The following HECW2 variants were observed in gnomAD, a reference collection of about 807,000 sequenced individuals.
HECW2 encodes HECT, C2 and WW domain containing E3 ubiquitin protein ligase 2.
In HECW2, 61 loss-of-function variants were observed where a neutral mutation model predicts 175.2. The observed-to-expected ratio is 0.35, with a 90% CI of 0.28 to 0.43. The LOEUF (loss-of-function observed/expected upper bound fraction) is 0.43. HECW2 is among the 20% of genes least tolerant of loss of function. The pLI is 1.00. For synonymous variants in HECW2, 671 were observed against 731.0 expected, an observed-to-expected ratio of 0.92 and a Z score of 1.32; for missense variants, 1,524 against 2,000.5, an observed-to-expected ratio of 0.76 and a Z score of 4.54.
chr2:196,530,875 T>C (rs543382552), intron 1 of HECW2, among the ~76,000 whole-genome samples: 1 of 152,318 alleles, frequency 6.6e-6, no homozygotes, highest in East Asian at 1.9e-4. Flanking sequence ...AAGTATGTCC[T>C]AATACTACAC....
chr2:196,363,776 A>G (rs1693668677), intron 2 of HECW2, among the ~76,000 whole-genome samples: 1 of 152,198 alleles, frequency 6.6e-6, no homozygotes, highest in African/African-American at 2.4e-5. Flanking sequence ...GTGAGCTACA[A>G]TCCTGCCAAT....
intron 1 of HECW2, among the ~76,000 whole-genome samples, chr2:196,477,148 G>GAAA (rs112273962): frequency 5.7e-5 from 6 of 104,368 alleles, no homozygotes; most frequent in Admixed American, 9.6e-5. Flanking sequence ...AGGGAAAAGC[G>GAAA]AAAAAAAAAA....
chr2:196,352,297 G>C (rs1181349162), intron 2 of HECW2, among the ~76,000 whole-genome samples: 1 of 152,130 alleles, frequency 6.6e-6, no homozygotes, highest in African/African-American at 2.4e-5. Context: ...ATGATTTGCT[G>C]AGAACAGTGT....
intron 1 of HECW2, among the ~76,000 whole-genome samples, chr2:196,437,289 C>T (rs957383565): frequency 4.0e-5 from 6 of 151,850 alleles, no homozygotes; most frequent in Non-Finnish European, 7.4e-5. Flanking sequence ...CCACAGAACC[C>T]GGTGAAGATG....
chr2:196,520,140 C>T (rs1336555961), intron 1 of HECW2, among the ~76,000 whole-genome samples: 1 of 152,046 alleles, frequency 6.6e-6, no homozygotes, highest in Non-Finnish European at 1.5e-5. Context: ...AATGTACCAA[C>T]GTTGAATTCT....
At chr2:196,518,722 A>G (rs994724217) in intron 1 of HECW2, among the ~76,000 whole-genome samples, 2 of 148,200 alleles carry the variant, frequency 1.3e-5, no homozygotes, top group Non-Finnish European at 3.0e-5. Flanking sequence ...AGGATCCTTC[A>G]CTCCCTCTGA....
chr2:196,313,857 G>A (rs1251109432), intron 10 of HECW2, among the ~76,000 whole-genome samples: 3 of 152,156 alleles, frequency 2.0e-5, no homozygotes, highest in Non-Finnish European at 2.9e-5. Flanking sequence ...TTCAAGGCCA[G>A]CCCTGGCAAC....
chr2:196,532,896 T>G (rs1489193062), intron 1 of HECW2, among the ~76,000 whole-genome samples: 2 of 152,200 alleles, frequency 1.3e-5, no homozygotes, highest in Non-Finnish European at 2.9e-5. Context: ...CTCAGTGAAC[T>G]CTTCTGTCTA....
intron 17 of HECW2, among the ~76,000 whole-genome samples, chr2:196,268,714 T>C (rs1257951137): frequency 6.6e-6 from 1 of 152,192 alleles, no homozygotes; most frequent in Non-Finnish European, 1.5e-5. Context: ...GGGGATGGGG[T>C]ACACTTAGAG....
At position 196,334,517 on chromosome 2, in the gene HECW2, C is replaced by T. The variant is rs781303048; in HGVS notation, c.402G>A (p.Pro134=). The change falls in exon 4 of 29, where the codon CCG becomes CCA. Residue 134 remains proline (P), a splice_region_variant and synonymous_variant. Coordinates refer to ENST00000644978, the MANE Select transcript of HECW2 (RefSeq NM_001348768.2). ...RIEPGPYFME[P]EIKICFKYYH... ...AATATTTAAAACAGATTTTTATCTCCGCTGCAAAGCAATTGGAGAAAACAG... is the reference window on the plus strand; with the variant it reads ...AATATTTAAAACAGATTTTTATCTCTGCTGCAAAGCAATTGGAGAAAACAG... The T allele has an allele frequency of 3.3e-5, 52 of 1,591,172 alleles. No homozygotes were observed. The highest frequency in any genetic ancestry group is 5.3e-5 in the Admixed American group (3 of 56,812).
intron 19 of HECW2, among the ~76,000 whole-genome samples, chr2:196,245,956 C>T (rs899808370): frequency 6.6e-6 from 1 of 152,098 alleles, no homozygotes; most frequent in Non-Finnish European, 1.5e-5. Context: ...GGGGTGGGAC[C>T]CAGGCATGAG....
intron 25 of HECW2, among the ~76,000 whole-genome samples, 153 bp downstream of exon 25, chr2:196,220,642 T>C (rs1344607778): frequency 6.6e-6 from 1 of 152,226 alleles, no homozygotes; most frequent in Non-Finnish European, 1.5e-5. Flanking sequence ...TTTGGTGCTC[T>C]TGAAACATAA....
chr2:196,266,339 C>T (rs1689517136), intron 17 of HECW2, among the ~76,000 whole-genome samples: 1 of 151,666 alleles, frequency 6.6e-6, no homozygotes. Context: ...AGAGTGAGAC[C>T]CCCTGCCTCA....
rs766740363 is a variant in HECW2, at chr2:196,318,866, G to C, written c.2024C>G (p.Ser675Cys). 2.6e-6 allele frequency: 4 copies of C among 1,552,830 alleles called. No homozygotes were observed. The South Asian group carries it at 5.0e-5, about 19-fold the overall frequency. ...GGCTCCGTCTTCCTCCTCCTGAGAA[G>C]AAAAGGCTGGGGTTTCAGGAAACCG... ...SARFPETPAF[S>C]SQEEEDGACA... The change falls in exon 9 of 29, where the codon TCT becomes TGT. Residue 675 changes from serine (S) to cysteine (C), a missense_variant. Around this residue, in one of 11 missense-constraint regions of HECW2, gnomAD observed 604 missense variants for 588.3 expected, o/e 1.03. Transcript: ENST00000644978.
chr2:196,504,914 A>T (rs1200801949), intron 1 of HECW2, among the ~76,000 whole-genome samples: 1 of 152,184 alleles, frequency 6.6e-6, no homozygotes, highest in Non-Finnish European at 1.5e-5. Flanking sequence ...CAGAGAGATT[A>T]AGCAAGGTAC....
chr2:196,316,970 A>G, intron 10 of HECW2: 1 of 296,000 alleles, frequency 3.4e-6, no homozygotes. Context: ...TGCTGTGGTT[A>G]GGCATAATTT....
intron 1 of HECW2, among the ~76,000 whole-genome samples, chr2:196,446,636 A>C (rs546575716): frequency 1.3e-5 from 2 of 152,236 alleles, no homozygotes; most frequent in Non-Finnish European, 2.9e-5. Context: ...CATGGGCAGA[A>C]TGCAATGGTT....
chr2:196,275,348 G>T (rs1229410275), intron 15 of HECW2, among the ~76,000 whole-genome samples: 1 of 151,966 alleles, frequency 6.6e-6, no homozygotes, highest in Non-Finnish European at 1.5e-5. Context: ...ATTATCTAAA[G>T]GTATATTTTT....
chr2:196,322,665 A>G lies in HECW2; in HGVS notation c.742-45T>C, dbSNP rs751467266. 10 of 1,501,484 alleles carry G rather than the reference A, an allele frequency of 6.7e-6. 1 individual carries two copies. The East Asian group carries it at 2.3e-4, about 34-fold the overall frequency. The allele number at this position is 1,501,484 out of a possible 1,614,324, so 93.0% of individuals were successfully genotyped here. A position where few individuals can be genotyped will look rare whatever the true frequency, so the allele number is the denominator to read the frequency against. On this transcript the variant is annotated intron_variant, in intron 6 of 28. Transcript: ENST00000644978. ...ACATGCTGGTTTAAAAGAAAGACAA[A>G]TATGATACTATATCATTTTATTTGT...
Sources: gnomAD v4.1 joint callset for allele counts (sites outside exome capture counted in the v4.1 genomes callset) on GRCh38, gnomAD v4.1.1 for gene constraint, gnomAD v4.1.1 regional missense constraint, MANE v1.5 for transcripts, NCBI Gene and HGNC (gene_info 2026-07-23, HGNC 2026-07-21) for gene names.